The following AFAP1L1 variants were observed in gnomAD, a reference collection of about 807,000 sequenced individuals.
AFAP1L1 encodes the protein actin filament associated protein 1 like 1.
AFAP1L1 carries 77 observed loss-of-function variants against 99.8 expected under a neutral mutation model. That is an observed-to-expected ratio of 0.77 (90% CI 0.64 to 0.93). The LOEUF is 0.93. Ranked by LOEUF, AFAP1L1 falls within the 40% of genes least tolerant of loss-of-function variation. The pLI is 0.00. For synonymous variants in AFAP1L1, 373 were observed against 395.3 expected (o/e 0.94, Z 0.67); for missense variants, 893 against 996.8 (o/e 0.90, Z 1.40).
intron 5 of AFAP1L1, among the ~76,000 whole-genome samples, chr5:149,304,781 G>C (rs750868790): frequency 5.3e-5 from 8 of 152,200 alleles, no homozygotes; most frequent in Non-Finnish European, 1.0e-4. Flanking sequence ...CAGGGTGCCT[G>C]CTGGAAAGGC....
At position 149,325,455 on chromosome 5, in the gene AFAP1L1, C is replaced by A. The variant is rs578224017; in HGVS notation, c.1810+2738C>A. Among the ~76,000 whole-genome samples, 3 of 152,284 alleles carry A rather than the reference C, an allele frequency of 2.0e-5. No individual in the cohort carries two copies. In the South Asian group the frequency reaches 6.2e-4, roughly 32 times the overall value. On this transcript the variant is annotated intron_variant, in intron 15 of 18. Transcript: ENST00000296721. Reference sequence around the variant, plus strand: ...GATTGCAGCCAAGAGGTAGGAAGCTCCCTTCCTCTACCCAGATGATAGAGC... The same window carrying A: ...GATTGCAGCCAAGAGGTAGGAAGCTACCTTCCTCTACCCAGATGATAGAGC...
At chr5:149,312,298 C>T (rs779016518) in intron 9 of AFAP1L1, 94 bp downstream of exon 9, 1 of 1,226,222 alleles carries the variant, frequency 8.2e-7, no homozygotes, top group East Asian at 2.3e-5. Flanking sequence ...GGGGGAAAGT[C>T]AGGCAACTGC....
At chr5:149,301,423 T>C (rs1156873391) in intron 4 of AFAP1L1, among the ~76,000 whole-genome samples, 193 bp downstream of exon 4, 1 of 152,178 alleles carries the variant, frequency 6.6e-6, no homozygotes, top group Non-Finnish European at 1.5e-5. Flanking sequence ...TGTGTGTTTT[T>C]TTTCTTATTT....
At chr5:149,296,389 G>A (rs760802929) in intron 1 of AFAP1L1, among the ~76,000 whole-genome samples, 4 of 152,256 alleles carry the variant, frequency 2.6e-5, no homozygotes, top group Admixed American at 6.5e-5. Flanking sequence ...CAGAATAACC[G>A]GTATAGGGAT....
Position 149,340,186 on chromosome 5 carries a change from G to A in AFAP1L1, c.*156G>A. 1 of 725,356 alleles carries A rather than the reference G, an allele frequency of 1.4e-6. No individual in the cohort carries two copies. The highest frequency in any genetic ancestry group is 2.3e-6 in the Non-Finnish European group (1 of 438,528). 44.9% of individuals were successfully genotyped at this position (725,356 alleles called of 1,614,324 possible). ...AGCCTTTATTGTCTGCATGATTTTA[G>A]GGGATATGGGGAGGGAACAAGTAGA... On this transcript the variant is annotated 3_prime_UTR_variant, in exon 19 of 19. Coordinates refer to ENST00000296721, the MANE Select transcript of AFAP1L1 (RefSeq NM_152406.4).
chr5:149,276,362 A>G (rs931201644), intron 1 of AFAP1L1, among the ~76,000 whole-genome samples: 10 of 152,236 alleles, frequency 6.6e-5, no homozygotes, highest in Admixed American at 6.5e-5. Flanking sequence ...ACAGTAACAA[A>G]CATAGAAACC....
In AFAP1L1 at chr5:149,340,247, T is replaced by C; in HGVS notation, c.*217T>C. 1.8e-6 allele frequency: 1 copy of C among 547,820 alleles called. No individual in the cohort carries two copies. Among genetic ancestry groups the C allele is most frequent in the African/African-American group, 1.9e-5 (1 of 53,192 alleles). The allele number at this position is 547,820 out of a possible 1,614,324, so 33.9% of individuals were successfully genotyped here. ...GAAATGGAGAGCATCCTTATGACTTTACAAAGGGTGGAAATGAGGATGGAG... is the reference window on the plus strand; with the variant it reads ...GAAATGGAGAGCATCCTTATGACTTCACAAAGGGTGGAAATGAGGATGGAG... On this transcript the variant is annotated 3_prime_UTR_variant, in exon 19 of 19. Coordinates refer to ENST00000296721, the MANE Select transcript of AFAP1L1 (RefSeq NM_152406.4).
At chr5:149,299,432 G>A in intron 1 of AFAP1L1, 77 bp from the exon 2 acceptor site, 1 of 1,579,096 alleles carries the variant, frequency 6.3e-7, no homozygotes, top group Non-Finnish European at 8.6e-7. Context: ...CCAACTCTAG[G>A]TGGTGGGGGG....
In AFAP1L1 at chr5:149,316,230, T is replaced by C. The variant is rs1756792249; in HGVS notation, c.1194T>C (p.Ile398=). ...RAAGRKITRI[I]GFSKKKTLAD... is the part of the protein sequence containing the mutation. The stretch of plus-strand genomic sequence containing the variant: ...CGGGCCGCAAGATCACCCGTATCAT[T>C]GGCTTCTCCAAGAAGAAGACACTGG... Residue 398 remains isoleucine, a synonymous_variant, in exon 11 of 19, where the codon ATT becomes ATC. Transcript: ENST00000296721. 6.2e-7 allele frequency: 1 copy of C among 1,613,884 alleles called. No individual in the cohort carries two copies. Among genetic ancestry groups the C allele is most frequent in the Admixed American group, 1.7e-5 (1 of 59,988 alleles).
chr5:149,300,814 G>A (rs956329114), intron 3 of AFAP1L1, among the ~76,000 whole-genome samples: 2 of 152,268 alleles, frequency 1.3e-5, no homozygotes, highest in Non-Finnish European at 2.9e-5. Flanking sequence ...AGGCCTTGGT[G>A]AGAGAGTTTT....
rs910717626 is a variant in AFAP1L1 at position 149,341,563 on chromosome 5, A to C, written c.*1533A>C. On this transcript the variant is annotated 3_prime_UTR_variant, in exon 19 of 19. Coordinates refer to ENST00000296721, the MANE Select transcript of AFAP1L1 (RefSeq NM_152406.4). ...AGATAATATATAGTAGGCATCTTGC[A>C]TAGTGTCTGAGAAATAAGAAATGCT... The C allele has an allele frequency of 1.1e-4, 17 of 152,210 alleles. No homozygotes were observed. Among genetic ancestry groups the C allele is most frequent in the African/African-American group, 4.1e-4 (17 of 41,452 alleles). 9.4% of individuals were successfully genotyped at this position (152,210 alleles called of 1,614,324 possible). A position where few individuals can be genotyped will look rare whatever the true frequency, so the allele number is the denominator to read the frequency against.
chr5:149,276,894 C>A (rs1016510933), intron 1 of AFAP1L1: 1 of 152,182 alleles, frequency 6.6e-6, no homozygotes, highest in Non-Finnish European at 1.5e-5. Context: ...CACTTATGAC[C>A]TTCAATAACT....
rs957812045 is a variant in AFAP1L1, at chr5:149,296,609, G to A, written c.17-2900G>A. Among the ~76,000 whole-genome samples, 29 of 152,330 alleles carry A rather than the reference G, an allele frequency of 1.9e-4. 1 individual carries two copies. Among genetic ancestry groups the A allele is most frequent in the African/African-American group, 2.9e-4 (12 of 41,576 alleles). ...TGTGTATGAGACAGAGAGAGAATGC[G>A]CGTTGGGACAGTTGGAACAATCTCT... On this transcript the variant is annotated intron_variant, in intron 1 of 18. Coordinates refer to ENST00000296721, the MANE Select transcript of AFAP1L1 (RefSeq NM_152406.4).
chr5:149,307,254 A>C, intron 6 of AFAP1L1, 148 bp from the exon 7 acceptor site: 1 of 788,498 alleles, frequency 1.3e-6, no homozygotes, highest in Non-Finnish European at 2.0e-6. Flanking sequence ...CTCCAAAAAA[A>C]AAGTAGGGGC....
Position 149,335,604 on chromosome 5 carries a change from A to G in AFAP1L1, c.2165A>G (p.Asn722Ser). The part of the protein sequence containing the change: ...SSKPKSGETA[N>S]KPQNSVPEQP... ...TATTGCCATCAACAGGAAACTGCAA[A>G]TAAACCCCAGAACAGCGTTCCAGAG... The change falls in exon 18 of 19, where the codon AAT becomes AGT. Residue 722 changes from asparagine (N) to serine (S), a missense_variant. Physicochemically the swap from Asn to Ser is conservative, Grantham distance 46. Coordinates refer to ENST00000296721, the MANE Select transcript of AFAP1L1 (RefSeq NM_152406.4). The G allele has an allele frequency of 1.2e-6, 2 of 1,612,304 alleles. No homozygotes were observed. Among genetic ancestry groups the G allele is most frequent in the East Asian group, 4.5e-5 (2 of 44,890 alleles).
chr5:149,282,170 C>T (rs188416266), intron 1 of AFAP1L1, among the ~76,000 whole-genome samples: 21 of 152,210 alleles, frequency 1.4e-4, no homozygotes, highest in Middle Eastern at 3.4e-3. Context: ...TGTCAGGCTG[C>T]GGCAGGGGCA....
At chr5:149,308,901 C>G (rs980180474) in intron 7 of AFAP1L1, among the ~76,000 whole-genome samples, 1 of 151,466 alleles carries the variant, frequency 6.6e-6, no homozygotes, top group Non-Finnish European at 1.5e-5. Flanking sequence ...TCGAAACCAG[C>G]CTGGGCAACA....
At chr5:149,322,011 T>A (rs1407631886) in intron 14 of AFAP1L1, among the ~76,000 whole-genome samples, 2 of 152,128 alleles carry the variant, frequency 1.3e-5, no homozygotes, top group African/African-American at 4.8e-5. Context: ...AAAAAAGAAA[T>A]TAGGACAGTG....
chr5:149,290,719 C>T (rs1056145019), intron 1 of AFAP1L1, among the ~76,000 whole-genome samples: 1 of 151,742 alleles, frequency 6.6e-6, no homozygotes, highest in African/African-American at 2.4e-5. Flanking sequence ...TTTTTGTTGC[C>T]TGATTTTTTT....
Sources: gnomAD v4.1 joint callset for allele counts (sites outside exome capture counted in the v4.1 genomes callset) on GRCh38, gnomAD v4.1.1 for gene constraint, MANE v1.5 for transcripts, NCBI Gene and HGNC (gene_info 2026-07-23, HGNC 2026-07-21) for gene names.